The following LEKR1 variants were observed in gnomAD, a reference collection of about 807,000 sequenced individuals.
LEKR1 encodes the protein leucine, glutamate and lysine rich 1, also known as protein LEKR1.
In LEKR1, 59 loss-of-function variants were observed where a neutral mutation model predicts 72.4. The ratio of observed to expected loss-of-function variants is 0.82; its 90% CI spans 0.66 to 1.01. The LOEUF is 1.01. LEKR1 is among the 50% of genes least tolerant of loss of function. The pLI is 0.00. For missense variants in LEKR1, 728 were observed against 759.2 expected, an observed-to-expected ratio of 0.96 and a Z score of 0.48; for synonymous variants, 257 against 263.2, an observed-to-expected ratio of 0.98 and a Z score of 0.23.
rs1325868397 is a variant in LEKR1 at position 156,936,430 on chromosome 3, C to CGA, written c.560-6099_560-6098insGA. On this transcript the variant is annotated intron_variant, in intron 5 of 12. Coordinates refer to ENST00000356539, the MANE Select transcript of LEKR1 (RefSeq NM_001004316.3). ...TGTCCTCATCTGTACAATGAGAACA[C>CGA]ACACACACACACACACACACACACA... Among the ~76,000 whole-genome samples the CGA allele has an allele frequency of 4.8e-5, 4 of 84,208 alleles. No individual in the cohort carries two copies. The East Asian group carries it at 1.4e-3, about 30-fold the overall frequency. 55.2% of individuals were successfully genotyped at this position (84,208 alleles called of 152,430 possible). A position where few individuals can be genotyped will look rare whatever the true frequency, so the allele number is the denominator to read the frequency against.
At chr3:156,894,097 C>T (rs963289570) in intron 3 of LEKR1, among the ~76,000 whole-genome samples, 2 of 152,332 alleles carry the variant, frequency 1.3e-5, no homozygotes, top group South Asian at 2.1e-4. Flanking sequence ...AGAAGGAAGT[C>T]TTTAATGGAG....
intron 2 of LEKR1, among the ~76,000 whole-genome samples, chr3:156,835,201 G>T (rs1490352526): frequency 6.6e-6 from 1 of 152,206 alleles, no homozygotes; most frequent in Non-Finnish European, 1.5e-5. Flanking sequence ...GGTGAAACAG[G>T]ATAGAGAACT....
In LEKR1 at chr3:156,891,900, G is replaced by T. The variant is rs925963542; in HGVS notation, c.264-28675G>T. ...AGGAATCCAAATGTCTGATCACTTAGCCAGGGACAGAGAAATTGAATTGCA... is the reference window on the plus strand; with the variant it reads ...AGGAATCCAAATGTCTGATCACTTATCCAGGGACAGAGAAATTGAATTGCA... On this transcript the variant is annotated intron_variant, in intron 3 of 12. Coordinates refer to ENST00000356539, the MANE Select transcript of LEKR1 (RefSeq NM_001004316.3). Among the ~76,000 whole-genome samples, 4 of 152,238 alleles carry T rather than the reference G, an allele frequency of 2.6e-5. No homozygotes were observed. The South Asian group carries it at 8.3e-4, about 32-fold the overall frequency.
At chr3:156,883,317 C>T (rs1229120733) in intron 3 of LEKR1, among the ~76,000 whole-genome samples, 2 of 152,156 alleles carry the variant, frequency 1.3e-5, no homozygotes, top group African/African-American at 4.8e-5. Flanking sequence ...AAGTAACTAA[C>T]TTGCTTTTGA....
intron 6 of LEKR1, among the ~76,000 whole-genome samples, chr3:156,953,050 C>T (rs1354008173): frequency 6.6e-6 from 1 of 150,906 alleles, no homozygotes; most frequent in Non-Finnish European, 1.5e-5. Flanking sequence ...TACTTGTACT[C>T]TCTATAAATT....
Position 156,863,020 on chromosome 3 carries a change from C to G in LEKR1, c.263+10038C>G, listed in dbSNP as rs751382815. Among the ~76,000 whole-genome samples, 44 of 152,094 alleles carry G rather than the reference C, an allele frequency of 2.9e-4. 1 individual carries two copies. The highest frequency in any genetic ancestry group is 3.4e-3 in the Middle Eastern group (1 of 294). ...ATTTGAATATGTCGACCTCAAGGGT[C>G]AAAAGTTAAGTTTGGCTTTCCAGCA... On this transcript the variant is annotated intron_variant, in intron 3 of 12. Transcript: ENST00000356539.
chr3:156,882,715 C>T (rs200598807), intron 3 of LEKR1, among the ~76,000 whole-genome samples: 11 of 152,182 alleles, frequency 7.2e-5, no homozygotes, highest in East Asian at 3.9e-4. Context: ...ATTTTTATTG[C>T]GGCATTATTC....
At chr3:156,989,311 G>A (rs1250076224) in intron 7 of LEKR1, among the ~76,000 whole-genome samples, 3 of 152,126 alleles carry the variant, frequency 2.0e-5, no homozygotes, top group Non-Finnish European at 4.4e-5. Context: ...GTATAAGTAA[G>A]GCACTTGGAA....
At chr3:156,966,900 C>T (rs1054598203) in intron 6 of LEKR1, among the ~76,000 whole-genome samples, 7 of 152,188 alleles carry the variant, frequency 4.6e-5, no homozygotes, top group African/African-American at 1.4e-4. Context: ...ACTGACACCT[C>T]ACACAGCCAG....
chr3:157,036,942 T>C (rs1481096369), intron 12 of LEKR1, among the ~76,000 whole-genome samples: 2 of 152,138 alleles, frequency 1.3e-5, no homozygotes, highest in African/African-American at 4.8e-5. Flanking sequence ...TAACTCTGGA[T>C]GGAAGCTATG....
chr3:156,938,700 G>GT (rs917797848), intron 5 of LEKR1, among the ~76,000 whole-genome samples: 10 of 152,022 alleles, frequency 6.6e-5, no homozygotes, highest in African/African-American at 9.7e-5. Flanking sequence ...AAATTGTGTA[G>GT]TTTTTTTTAT....
chr3:156,920,492 A>G (rs753587456), intron 3 of LEKR1, 83 bp from the exon 4 acceptor site: 209 of 830,038 alleles, frequency 2.5e-4, no homozygotes, highest in Non-Finnish European at 3.7e-4. Context: ...ACTCCTTTTT[A>G]TTAAAAGTAA....
In LEKR1 at chr3:156,946,013, T is replaced by C. The variant is rs190473904; in HGVS notation, c.745+3299T>C. Among the ~76,000 whole-genome samples, 142 of 151,916 alleles carry C rather than the reference T, an allele frequency of 9.3e-4. 1 individual carries two copies. The highest frequency in any genetic ancestry group is 3.3e-3 in the African/African-American group (135 of 41,530). On this transcript the variant is annotated intron_variant, in intron 6 of 12. Coordinates refer to ENST00000356539, the MANE Select transcript of LEKR1 (RefSeq NM_001004316.3). ...ATGACATTGGTATTTTGATAGTGAT[T>C]GCATTGTATCTGTAGATTGCTTTGG...
Position 157,045,915 on chromosome 3 carries a change from G to T in LEKR1, c.*165G>T. On this transcript the variant is annotated 3_prime_UTR_variant, in exon 13 of 13. Coordinates refer to ENST00000356539, the MANE Select transcript of LEKR1 (RefSeq NM_001004316.3). The stretch of plus-strand genomic sequence containing the variant: ...AGACTGTAAAAAGCTGGAAAATTGT[G>T]AAGCCTTATTTTTCAAGAGGGTTTT... 1 of 641,928 alleles carries T rather than the reference G, an allele frequency of 1.6e-6. No homozygotes were observed. Among genetic ancestry groups the T allele is most frequent in the East Asian group, 2.8e-5 (1 of 36,078 alleles). The allele number at this position is 641,928 out of a possible 1,614,324, so 39.8% of individuals were successfully genotyped here. A position where few individuals can be genotyped will look rare whatever the true frequency, so the allele number is the denominator to read the frequency against.
At chr3:156,891,480 G>C (rs1470693066) in intron 3 of LEKR1, among the ~76,000 whole-genome samples, 1 of 152,124 alleles carries the variant, frequency 6.6e-6, no homozygotes, top group East Asian at 1.9e-4. Flanking sequence ...TAGTAAGGGA[G>C]AAATATAAGG....
At chr3:156,938,142 AAC>A (rs139273691) in intron 5 of LEKR1, among the ~76,000 whole-genome samples, 801 of 149,438 alleles carry the variant, frequency 5.4e-3, no homozygotes, top group African/African-American at 0.017. Flanking sequence ...ATGGAACTGT[AAC>A]ACACACACAC....
At chr3:156,928,050 G>A (rs571265037) in intron 5 of LEKR1, among the ~76,000 whole-genome samples, 1 of 152,066 alleles carries the variant, frequency 6.6e-6, no homozygotes, top group African/African-American at 2.4e-5. Context: ...CAATTTGAAA[G>A]GGCTACGTAC....
intron 3 of LEKR1, among the ~76,000 whole-genome samples, chr3:156,887,167 G>A (rs757971464): frequency 6.6e-6 from 1 of 152,120 alleles, no homozygotes; most frequent in Non-Finnish European, 1.5e-5. Context: ...TCTTTTGCGG[G>A]TGTCACGTTT....
At chr3:156,979,555 C>T (rs1457071224) in intron 7 of LEKR1, 1 of 169,844 alleles carries the variant, frequency 5.9e-6, no homozygotes, top group Admixed American at 6.1e-5. Context: ...TAAAGCTTTC[C>T]CTGATAGTTC....
Sources: allele counts gnomAD v4.1 joint callset (sites outside exome capture counted in the v4.1 genomes callset), GRCh38; gene constraint gnomAD v4.1.1; transcripts MANE v1.5; gene names NCBI Gene and HGNC (gene_info 2026-07-23, HGNC 2026-07-21).